Variants in HIP1 observed in about 807,000 individuals in gnomAD.
HIP1 encodes the protein huntingtin interacting protein 1.
Under a neutral mutation model 147.6 loss-of-function variants are expected in HIP1, and 65 were observed. The observed-to-expected ratio is 0.44, with a 90% confidence interval of 0.36 to 0.54. The LOEUF (loss-of-function observed/expected upper bound fraction) is 0.54, where lower values mean the gene tolerates loss of function less well. Among genes scored for constraint, HIP1 ranks in the 20% least tolerant of loss-of-function variants. The pLI is 0.00. For synonymous variants in HIP1, 479 were observed against 504.0 expected (o/e 0.95, Z 0.67); for missense variants, 1,061 against 1,299.6 (o/e 0.82, Z 2.82).
chr7:75,728,318 C>T (rs868994052), intron 1 of HIP1, among the ~76,000 whole-genome samples: 5 of 152,218 alleles, frequency 3.3e-5, no homozygotes, highest in Non-Finnish European at 7.3e-5. Flanking sequence ...ACAAGTCCTG[C>T]CCACACACTG....
At chr7:75,692,171 C>G (rs1554518221) in intron 1 of HIP1, among the ~76,000 whole-genome samples, 1 of 152,140 alleles carries the variant, frequency 6.6e-6, no homozygotes, top group Admixed American at 6.6e-5. Context: ...CAAAGGCAGT[C>G]TTGCTTTTTA....
chr7:75,708,794 C>A (rs1228528006), intron 1 of HIP1, among the ~76,000 whole-genome samples: 2 of 152,022 alleles, frequency 1.3e-5, no homozygotes, highest in Non-Finnish European at 2.9e-5. Flanking sequence ...AAAACATAGT[C>A]CCCCAGCTAT....
rs557096362 is a variant in HIP1 at position 75,729,658 on chromosome 7, C to T, written c.120+9143G>A. Among the ~76,000 whole-genome samples, 20 of 150,166 alleles carry T rather than the reference C, an allele frequency of 1.3e-4. No individual in the cohort carries two copies. In the South Asian group the frequency reaches 3.6e-3, roughly 27 times the overall value. Reference sequence around the variant, plus strand: ...AAAATGAGCTGGGCATGGTGGCAGGCGCCTGTAATCCCAGCTACTCAGGAG... The same window carrying T: ...AAAATGAGCTGGGCATGGTGGCAGGTGCCTGTAATCCCAGCTACTCAGGAG... On this transcript the variant is annotated intron_variant, in intron 1 of 30. Coordinates refer to ENST00000336926, the MANE Select transcript of HIP1 (RefSeq NM_005338.7).
At chr7:75,732,595 G>A (rs1231188217) in intron 1 of HIP1, among the ~76,000 whole-genome samples, 1 of 152,042 alleles carries the variant, frequency 6.6e-6, no homozygotes, top group Non-Finnish European at 1.5e-5. Context: ...TGCCCAGGCT[G>A]GTCTCGAACT....
chr7:75,554,321 T>C lies in HIP1; in HGVS notation c.2051-101A>G, dbSNP rs1423138174. On this transcript the variant is annotated intron_variant, in intron 20 of 30. Transcript: ENST00000336926. ...GAGTTGCCTACATGCCTTTCTTGTA[T>C]GAGTTGCCTACATGCCTTTCTTGAT... 5 of 1,273,574 alleles carry C rather than the reference T, an allele frequency of 3.9e-6. No homozygotes were observed. The African/African-American group carries it at 5.9e-5, about 15-fold the overall frequency. The allele number at this position is 1,273,574 out of a possible 1,614,324, so 78.9% of individuals were successfully genotyped here. A position where few individuals can be genotyped will look rare whatever the true frequency, so the allele number is the denominator to read the frequency against.
chr7:75,538,277 A>C (rs1258540634), intron 30 of HIP1, 53 bp from the exon 31 acceptor site: 3 of 1,408,196 alleles, frequency 2.1e-6, no homozygotes. Context: ...GCATTCATTC[A>C]CTTAACCAAC....
chr7:75,689,786 C>G (rs1800385360), intron 1 of HIP1, among the ~76,000 whole-genome samples: 1 of 152,046 alleles, frequency 6.6e-6, no homozygotes. Context: ...GCAACCTCAG[C>G]CAGGACTGGC....
chr7:75,724,321 C>T (rs1801590253), intron 1 of HIP1, among the ~76,000 whole-genome samples: 1 of 152,002 alleles, frequency 6.6e-6, no homozygotes, highest in African/African-American at 2.4e-5. Context: ...CATCTCAGCT[C>T]ACTGCAACCT....
intron 1 of HIP1, among the ~76,000 whole-genome samples, chr7:75,696,951 TC>T (rs112393765): frequency 0.011 from 1,596 of 151,246 alleles, 39 homozygotes; most frequent in African/African-American, 0.036. Context: ...TCACAGGTCC[TC>T]CCCCCATCCC....
intron 7 of HIP1, among the ~76,000 whole-genome samples, chr7:75,576,852 A>G (rs1795863237): frequency 6.6e-6 from 1 of 152,276 alleles, no homozygotes; most frequent in Non-Finnish European, 1.5e-5. Context: ...AGAATTCTAC[A>G]ATGATGAAAA....
At chr7:75,679,105 C>CG (rs1174839226) in intron 1 of HIP1, among the ~76,000 whole-genome samples, 2 of 152,060 alleles carry the variant, frequency 1.3e-5, no homozygotes, top group African/African-American at 4.8e-5. Context: ...GCTATGACCC[C>CG]CCTTCTTCCT....
chr7:75,647,049 C>G (rs1180445087), intron 1 of HIP1, among the ~76,000 whole-genome samples: 1 of 151,838 alleles, frequency 6.6e-6, no homozygotes, highest in East Asian at 1.9e-4. Context: ...GAGTACCCCT[C>G]TCACTCTGGT....
At position 75,562,182 on chromosome 7, in the gene HIP1, C is replaced by A. The variant is rs782697287; in HGVS notation, c.1021-12G>T. On this transcript the variant is annotated splice_polypyrimidine_tract_variant and intron_variant, in intron 11 of 30. Transcript: ENST00000336926. ...TTGTCAAATAAATTCTGTGGTTGAC[C>A]AAAAAGGAGTGAGAATAAGTCAGAG... The A allele has an allele frequency of 1.1e-4, 170 of 1,578,826 alleles. No homozygotes were observed. Among genetic ancestry groups the A allele is most frequent in the Non-Finnish European group, 1.4e-4 (166 of 1,148,672 alleles).
intron 4 of HIP1, among the ~76,000 whole-genome samples, chr7:75,589,775 G>GGCTGGAGT (rs1796427910): frequency 6.8e-6 from 1 of 147,442 alleles, no homozygotes; most frequent in African/African-American, 2.5e-5. Flanking sequence ...CTGTCACCTA[G>GGCTGGAGT]GCTGGAGTGC....
At chr7:75,567,938 G>A (rs766634323) in intron 9 of HIP1, among the ~76,000 whole-genome samples, 7 of 152,150 alleles carry the variant, frequency 4.6e-5, no homozygotes, top group Non-Finnish European at 7.4e-5. Flanking sequence ...CCTCTCAAGT[G>A]GCTGGGATCA....
chr7:75,553,490 A>G lies in HIP1; in HGVS notation c.2258T>C (p.Met753Thr). ...CTTGATCTTGCTCAGGCAGTTCCTC[A>G]TGGCTGTGCTGTCGGCATTCTCAAG... ...GSLENADSTA[M>T]RNCLSKIKAI... is the part of the protein sequence containing the mutation. The change falls in exon 22 of 31, where the codon ATG (methionine) becomes ACG (threonine). Residue 753 changes from methionine (M) to threonine (T), a missense_variant. Met to Thr is a moderately conservative substitution (Grantham distance 81). Coordinates refer to ENST00000336926, the MANE Select transcript of HIP1 (RefSeq NM_005338.7). 1 of 1,614,112 alleles carries G rather than the reference A, an allele frequency of 6.2e-7. No individual in the cohort carries two copies.
intron 10 of HIP1, 25 bp from the exon 11 acceptor site, chr7:75,563,100 A>C (rs1554494900): frequency 6.2e-7 from 1 of 1,614,040 alleles, no homozygotes; most frequent in Non-Finnish European, 8.5e-7. Context: ...ACATCCTCAA[A>C]TAGTGCTTGC....
At chr7:75,572,274 C>T (rs1213507075) in intron 8 of HIP1, among the ~76,000 whole-genome samples, 4 of 151,338 alleles carry the variant, frequency 2.6e-5, no homozygotes, top group Non-Finnish European at 5.9e-5. Context: ...CCAGAACTTC[C>T]AAACTATATA....
intron 1 of HIP1, among the ~76,000 whole-genome samples, chr7:75,731,023 C>T (rs1801822070): frequency 1.3e-5 from 2 of 151,854 alleles, no homozygotes; most frequent in Non-Finnish European, 2.9e-5. Context: ...GCATGAGCCA[C>T]CATGCCTGGT....
Sources: gnomAD v4.1 joint callset for allele counts (sites outside exome capture counted in the v4.1 genomes callset) on GRCh38, gnomAD v4.1.1 for gene constraint, MANE v1.5 for transcripts, NCBI Gene and HGNC (gene_info 2026-07-23, HGNC 2026-07-21) for gene names.